GABRG1: variants seen among roughly 807,000 people sequenced by gnomAD.
GABRG1 encodes the protein gamma-aminobutyric acid type A receptor subunit gamma1, also known as gamma-aminobutyric acid receptor subunit gamma-1.
Under a neutral mutation model 49.8 loss-of-function variants are expected in GABRG1, and 49 were observed. The observed-to-expected ratio is 0.98, with a 90% CI of 0.78 to 1.25. The LOEUF (loss-of-function observed/expected upper bound fraction) is 1.25. Ranked by LOEUF, GABRG1 falls within the 50% of genes most tolerant of loss-of-function variation. The pLI is 0.00. For synonymous variants in GABRG1, 232 were observed against 185.1 expected (o/e 1.25, Z -2.06); for missense variants, 552 against 552.3 (o/e 1.00, Z 0.01).
intron 2 of GABRG1, among the ~76,000 whole-genome samples, chr4:46,087,165 T>A (rs1249080433): frequency 6.6e-6 from 1 of 151,244 alleles, no homozygotes; most frequent in Admixed American, 6.6e-5. Flanking sequence ...CTTTCTCTAT[T>A]TTTTTTAAAG....
intron 1 of GABRG1, among the ~76,000 whole-genome samples, chr4:46,100,915 T>C (rs1282047021): frequency 6.6e-6 from 1 of 151,474 alleles, no homozygotes; most frequent in African/African-American, 2.4e-5. Flanking sequence ...GTAATTTATC[T>C]ACACCTTTTC....
Position 46,065,446 on chromosome 4 carries a change from TTGAGTTTC to T in GABRG1, c.452_459del (p.Arg151LysfsTer4), listed in dbSNP as rs764431201. The T allele has an allele frequency of 6.2e-7, 1 of 1,613,616 alleles. No homozygotes were observed. The highest frequency in any genetic ancestry group is 8.5e-7 in the Non-Finnish European group (1 of 1,179,746). ...GTTATCCAGTGAGCATCAGATTTTC[TTGAGTTTC>T]TGAAGAAAGTGTCAGGAATCCAAAT... On this transcript the variant is annotated frameshift_variant, in exon 4 of 9. Transcript: ENST00000295452. LOFTEE classifies it high-confidence loss of function.
At position 46,123,853 on chromosome 4, in the gene GABRG1, C is replaced by G; in HGVS notation, c.61G>C (p.Val21Leu). Residue 21 changes from valine (V) to leucine (L), a missense_variant, in exon 1 of 9, where the codon GTG becomes CTG. Physicochemically the swap from Val to Leu is conservative, Grantham distance 32. Coordinates refer to ENST00000295452, the MANE Select transcript of GABRG1 (RefSeq NM_173536.4). ...GTCAGTAACAAGAAGACCAACCTCACCCCTCTACTTTGACTCCGCAGAAGA... is the reference window on the plus strand; with the variant it reads ...GTCAGTAACAAGAAGACCAACCTCAGCCCTCTACTTTGACTCCGCAGAAGA... Reference protein sequence around the residue: ...PFLLRSQSRGVRLVFLLLTLH... With the variant: ...PFLLRSQSRGLRLVFLLLTLH... 1.2e-6 allele frequency: 2 copies of G among 1,613,708 alleles called. No individual in the cohort carries two copies. Among genetic ancestry groups the G allele is most frequent in the South Asian group, 1.1e-5 (1 of 91,070 alleles).
rs910697560 is a variant in GABRG1 at position 46,046,876 on chromosome 4, C to T, written c.1131+4548G>A. ...ACATACATAGAAATATACCATCCTG[C>T]TTAAAAACGTGTATAACTTGCCTGC... On this transcript the variant is annotated intron_variant, in intron 8 of 8. Transcript: ENST00000295452. Among the ~76,000 whole-genome samples the T allele has an allele frequency of 2.0e-5, 3 of 152,182 alleles. No individual in the cohort carries two copies. In the South Asian group the frequency reaches 6.2e-4, roughly 32 times the overall value.
At chr4:46,042,965 T>C (rs1717840016) in intron 8 of GABRG1, among the ~76,000 whole-genome samples, 1 of 151,918 alleles carries the variant, frequency 6.6e-6, no homozygotes, top group African/African-American at 2.4e-5. Context: ...CTGGGGATAG[T>C]TGATTACATT....
chr4:46,054,031 G>T (rs1474634622), intron 7 of GABRG1, among the ~76,000 whole-genome samples: 1 of 38,014 alleles, frequency 2.6e-5, no homozygotes, highest in South Asian at 4.5e-4. Flanking sequence ...TGTATAAGGT[G>T]TAAGGAAGGG....
At chr4:46,066,920 A>C (rs1224306906) in intron 3 of GABRG1, among the ~76,000 whole-genome samples, 1 of 151,112 alleles carries the variant, frequency 6.6e-6, no homozygotes, top group African/African-American at 2.4e-5. Context: ...GTATGTTTGC[A>C]TGTGTATGTA....
chr4:46,088,652 G>T (rs576839707), intron 2 of GABRG1, among the ~76,000 whole-genome samples: 1 of 151,384 alleles, frequency 6.6e-6, no homozygotes, highest in Non-Finnish European at 1.5e-5. Flanking sequence ...CTGAGCATTC[G>T]CATATAGAAT....
At chr4:46,072,467 T>A (rs1488775353) in intron 3 of GABRG1, among the ~76,000 whole-genome samples, 1 of 152,090 alleles carries the variant, frequency 6.6e-6, no homozygotes, top group Non-Finnish European at 1.5e-5. Flanking sequence ...CATGTGTTTC[T>A]TTTCCAGACA....
intron 5 of GABRG1, 127 bp from the exon 6 acceptor site, chr4:46,058,749 A>C: frequency 1.5e-6 from 1 of 665,596 alleles, no homozygotes; most frequent in Non-Finnish European, 2.5e-6. Flanking sequence ...CAAACATAGA[A>C]TATTTGAATA....
chr4:46,119,656 C>A (rs1721038130), intron 1 of GABRG1, among the ~76,000 whole-genome samples: 1 of 151,454 alleles, frequency 6.6e-6, no homozygotes, highest in Non-Finnish European at 1.5e-5. Context: ...CTCTTTAGTT[C>A]TTCTTCCTTG....
chr4:46,043,264 C>T (rs1411680116), intron 8 of GABRG1, among the ~76,000 whole-genome samples: 1 of 151,698 alleles, frequency 6.6e-6, no homozygotes, highest in African/African-American at 2.4e-5. Context: ...TGAACAAAAA[C>T]TGCAAGGGGT....
At chr4:46,078,717 A>G (rs1719451181) in intron 3 of GABRG1, among the ~76,000 whole-genome samples, 1 of 152,160 alleles carries the variant, frequency 6.6e-6, no homozygotes, top group East Asian at 1.9e-4. Context: ...AGGCTTACTT[A>G]AAAGTCAGTT....
At chr4:46,087,377 A>G (rs1002392937) in intron 2 of GABRG1, among the ~76,000 whole-genome samples, 1 of 151,712 alleles carries the variant, frequency 6.6e-6, no homozygotes, top group Non-Finnish European at 1.5e-5. Context: ...TGTCATGCTT[A>G]TATAAGGTTG....
chr4:46,059,539 T>C (rs1484788427), intron 5 of GABRG1, among the ~76,000 whole-genome samples: 1 of 151,968 alleles, frequency 6.6e-6, no homozygotes, highest in Non-Finnish European at 1.5e-5. Context: ...TACAGGTGCT[T>C]GCCAACACGA....
At chr4:46,067,546 A>C (rs1208932572) in intron 3 of GABRG1, among the ~76,000 whole-genome samples, 1 of 152,150 alleles carries the variant, frequency 6.6e-6, no homozygotes, top group African/African-American at 2.4e-5. Flanking sequence ...AAATGCTTGC[A>C]TCATGACCCT....
chr4:46,104,046 T>A (rs1014714841), intron 1 of GABRG1, among the ~76,000 whole-genome samples: 4 of 151,286 alleles, frequency 2.6e-5, no homozygotes, highest in African/African-American at 9.7e-5. Context: ...ACTCCTTATA[T>A]TAAAAAATAA....
intron 1 of GABRG1, among the ~76,000 whole-genome samples, chr4:46,122,135 C>G (rs1721104657): frequency 6.6e-6 from 1 of 152,042 alleles, no homozygotes; most frequent in South Asian, 2.1e-4. Context: ...AACCTGCACT[C>G]TGTCCCTTCA....
intron 2 of GABRG1, among the ~76,000 whole-genome samples, chr4:46,089,419 TA>T (rs1719899846): frequency 6.6e-6 from 1 of 152,036 alleles, no homozygotes; most frequent in African/African-American, 2.4e-5. Context: ...ATCTTCTTTA[TA>T]TCTCCCCCAT....
Sources: allele counts gnomAD v4.1 joint callset (sites outside exome capture counted in the v4.1 genomes callset), GRCh38; gene constraint gnomAD v4.1.1; transcripts MANE v1.5; gene names NCBI Gene and HGNC (gene_info 2026-07-23, HGNC 2026-07-21).